Variants in AGBL4 observed in about 807,000 individuals in gnomAD.
AGBL4 encodes the protein AGBL carboxypeptidase 4.
In AGBL4, 58 loss-of-function variants were observed where a neutral mutation model predicts 66.4. That is an observed-to-expected ratio of 0.87 (90% CI 0.71 to 1.09). The LOEUF (loss-of-function observed/expected upper bound fraction) is 1.09. AGBL4 is among the 50% of genes least tolerant of loss of function. The pLI is 0.00. For missense variants in AGBL4, 579 were observed against 631.0 expected, an observed-to-expected ratio of 0.92 and a Z score of 0.88; for synonymous variants, 234 against 222.9, an observed-to-expected ratio of 1.05 and a Z score of -0.44.
At chr1:49,079,595 T>C (rs1016153560) in intron 4 of AGBL4, among the ~76,000 whole-genome samples, 1 of 152,068 alleles carries the variant, frequency 6.6e-6, no homozygotes, top group Non-Finnish European at 1.5e-5. Flanking sequence ...CCTTGACACA[T>C]GGGGATTACA....
the AGBL4 span, among the ~76,000 whole-genome samples, chr1:48,524,861 T>G: frequency 2.0e-5 from 3 of 152,074 alleles, no homozygotes; most frequent in Non-Finnish European, 4.4e-5. Context: ...TTTTTTTTTT[T>G]TTTGTTTTTG....
intron 6 of AGBL4, among the ~76,000 whole-genome samples, chr1:48,794,529 C>T (rs1173163957): frequency 6.6e-6 from 1 of 152,192 alleles, no homozygotes; most frequent in African/African-American, 2.4e-5. Flanking sequence ...CTAGCCTTTG[C>T]CTCTACCGAA....
chr1:49,252,059 T>C (rs886699535), intron 3 of AGBL4, among the ~76,000 whole-genome samples: 3 of 152,084 alleles, frequency 2.0e-5, no homozygotes, highest in African/African-American at 7.2e-5. Context: ...TGGACTGAGA[T>C]GGCTGAAATG....
At chr1:49,949,813 A>T (rs1238260199) in intron 1 of AGBL4, among the ~76,000 whole-genome samples, 2 of 151,596 alleles carry the variant, frequency 1.3e-5, no homozygotes, top group Non-Finnish European at 2.9e-5. Flanking sequence ...AAAGAACTAA[A>T]AGTAAAACTA....
Position 49,192,650 on chromosome 1 carries a change from C to T in AGBL4, c.377+53120G>A, listed in dbSNP as rs115737235. 5.2e-3 allele frequency among the ~76,000 whole-genome samples: 793 copies of T among 152,282 alleles called. 3 individuals are homozygous for T. The highest frequency in any genetic ancestry group is 0.017 in the Middle Eastern group (5 of 294). On this transcript the variant is annotated intron_variant, in intron 4 of 13. Coordinates refer to ENST00000371839, the MANE Select transcript of AGBL4 (RefSeq NM_032785.4). ...GGCTTGTATGTCTTCTTTTGAGAAGCGTCTGTTCATGTCCTTTGTAAAAGG... is the reference window on the plus strand; with the variant it reads ...GGCTTGTATGTCTTCTTTTGAGAAGTGTCTGTTCATGTCCTTTGTAAAAGG...
rs559247226 is a variant in AGBL4, at chr1:48,792,838, C to T, written c.634+74353G>A. 2.6e-5 allele frequency among the ~76,000 whole-genome samples: 4 copies of T among 152,192 alleles called. No homozygotes were observed. In the South Asian group the frequency reaches 8.3e-4, roughly 32 times the overall value. On this transcript the variant is annotated intron_variant, in intron 6 of 13. Coordinates refer to ENST00000371839, the MANE Select transcript of AGBL4 (RefSeq NM_032785.4). Reference sequence around the variant, plus strand: ...GAGTATGGTGCTGATATTCATCAGCCTTCTAGATCCCTTCTTCACCTTGAT... The same window carrying T: ...GAGTATGGTGCTGATATTCATCAGCTTTCTAGATCCCTTCTTCACCTTGAT...
intron 6 of AGBL4, among the ~76,000 whole-genome samples, chr1:48,804,118 C>T (rs1395350586): frequency 6.6e-6 from 1 of 152,168 alleles, no homozygotes; most frequent in Non-Finnish European, 1.5e-5. Context: ...TTTATTACCT[C>T]TTTTGTTCAG....
At chr1:49,877,154 G>A (rs894561354) in intron 1 of AGBL4, among the ~76,000 whole-genome samples, 38 of 151,214 alleles carry the variant, frequency 2.5e-4, no homozygotes, top group African/African-American at 7.4e-4. Context: ...CTTTATTTCC[G>A]TCTCCTGTGT....
downstream of AGBL4, among the ~76,000 whole-genome samples, chr1:48,531,207 T>C (rs4926742): frequency 0.47 from 70,986 of 150,058 alleles, 17,395 homozygotes; most frequent in Middle Eastern, 0.65. Flanking sequence ...GCTTTTTTTT[T>C]TCTCTCTCTC....
intron 3 of AGBL4, among the ~76,000 whole-genome samples, chr1:49,547,924 C>G (rs1388119355): frequency 6.6e-6 from 1 of 152,056 alleles, no homozygotes; most frequent in Non-Finnish European, 1.5e-5. Context: ...CAGGCGTGCA[C>G]CACCATGCCC....
chr1:49,301,743 T>C (rs1372773664), intron 3 of AGBL4, among the ~76,000 whole-genome samples: 2 of 152,184 alleles, frequency 1.3e-5, no homozygotes, highest in Non-Finnish European at 2.9e-5. Context: ...TGAGATATTT[T>C]TTAGACCTTC....
intron 3 of AGBL4, among the ~76,000 whole-genome samples, chr1:49,281,612 A>G (rs773292190): frequency 2.6e-5 from 4 of 152,252 alleles, no homozygotes; most frequent in Non-Finnish European, 5.9e-5. Flanking sequence ...TGGCAACACG[A>G]TACTGTGATT....
chr1:49,804,245 C>T (rs773736910), intron 2 of AGBL4, among the ~76,000 whole-genome samples: 27 of 152,186 alleles, frequency 1.8e-4, no homozygotes, highest in Admixed American at 3.9e-4. Context: ...GAATGTTTTG[C>T]TTACCTGTGA....
At chr1:48,978,054 A>G (rs562140126) in intron 5 of AGBL4, among the ~76,000 whole-genome samples, 1 of 152,274 alleles carries the variant, frequency 6.6e-6, no homozygotes, top group South Asian at 2.1e-4. Flanking sequence ...GGCCATTGGA[A>G]CCTTGTGTCT....
At chr1:48,878,478 C>T (rs576213425) in intron 5 of AGBL4, among the ~76,000 whole-genome samples, 13 of 152,238 alleles carry the variant, frequency 8.5e-5, no homozygotes, top group African/African-American at 2.2e-4. Context: ...AACTCGCCTA[C>T]GAGTAGAGCA....
intron 1 of AGBL4, among the ~76,000 whole-genome samples, chr1:49,919,043 CT>C (rs1392319292): frequency 1.3e-5 from 2 of 152,132 alleles, no homozygotes; most frequent in African/African-American, 2.4e-5. Flanking sequence ...TCCCTTCATG[CT>C]AAAAAACTCT....
At chr1:49,162,628 C>A (rs1261344443) in intron 4 of AGBL4, among the ~76,000 whole-genome samples, 1 of 152,138 alleles carries the variant, frequency 6.6e-6, no homozygotes, top group Non-Finnish European at 1.5e-5. Context: ...ATATAATAAG[C>A]TTATCCTTTC....
intron 3 of AGBL4, among the ~76,000 whole-genome samples, chr1:49,501,539 T>A (rs1243121935): frequency 1.8e-5 from 1 of 55,646 alleles, no homozygotes; most frequent in African/African-American, 3.6e-5. Context: ...TCTTCTCCCT[T>A]TTTTTCTTAG....
chr1:49,959,725 T>C (rs930970961), intron 1 of AGBL4, among the ~76,000 whole-genome samples: 1 of 152,092 alleles, frequency 6.6e-6, no homozygotes, highest in Non-Finnish European at 1.5e-5. Flanking sequence ...TAAAGACACA[T>C]GCATACATAT....
Sources: allele counts gnomAD v4.1 joint callset (sites outside exome capture counted in the v4.1 genomes callset), GRCh38; gene constraint gnomAD v4.1.1; transcripts MANE v1.5; gene names NCBI Gene and HGNC (gene_info 2026-07-23, HGNC 2026-07-21).